Variants in ARHGAP27 observed in about 807,000 individuals in gnomAD.
ARHGAP27 encodes rho GTPase-activating protein 27.
A neutral mutation model predicts 102.0 loss-of-function variants in ARHGAP27; 53 were observed. That is an observed-to-expected ratio of 0.52 (90% CI 0.42 to 0.65). ARHGAP27 has a LOEUF of 0.65. Ranked by LOEUF, ARHGAP27 falls within the 30% of genes least tolerant of loss-of-function variation. The pLI, the probability that ARHGAP27 is intolerant of heterozygous loss-of-function variation, is 0.00. For missense variants in ARHGAP27, 1,117 were observed against 1,256.2 expected, an observed-to-expected ratio of 0.89 and a Z score of 1.68; for synonymous variants, 525 against 542.8, an observed-to-expected ratio of 0.97 and a Z score of 0.46.
chr17:45,406,982 AGAGT>A (rs1158088748), intron 4 of ARHGAP27, among the ~76,000 whole-genome samples: 2 of 152,164 alleles, frequency 1.3e-5, no homozygotes, highest in African/African-American at 4.8e-5. Context: ...ACCCCAAAGG[AGAGT>A]GAGGGCAGCT....
intron 4 of ARHGAP27, among the ~76,000 whole-genome samples, chr17:45,411,225 A>G (rs2047874613): frequency 1.3e-5 from 2 of 151,950 alleles, no homozygotes; most frequent in South Asian, 4.1e-4. Flanking sequence ...CAGTGGACAC[A>G]TGCCCTGAGT....
In ARHGAP27 at chr17:45,415,517, A is replaced by G. The variant is rs868671003; in HGVS notation, c.658-9434T>C. Among the ~76,000 whole-genome samples the G allele has an allele frequency of 5.9e-5, 9 of 152,218 alleles. No homozygotes were observed. In the South Asian group the frequency reaches 6.2e-4, roughly 11 times the overall value. Reference sequence around the variant, plus strand: ...ATTGCCATCTGGATGTCCTTTGTACATGTCGAAAACCGTGTGCCCCAAATC... The same window carrying G: ...ATTGCCATCTGGATGTCCTTTGTACGTGTCGAAAACCGTGTGCCCCAAATC... On this transcript the variant is annotated intron_variant, in intron 4 of 19. Transcript: ENST00000685559.
chr17:45,425,886 G>A (rs1483772047), intron 4 of ARHGAP27, among the ~76,000 whole-genome samples: 1 of 152,206 alleles, frequency 6.6e-6, no homozygotes, highest in Non-Finnish European at 1.5e-5. Flanking sequence ...CTCTTTGTGG[G>A]AGAGGAGGAG....
rs1025074954 is a variant in ARHGAP27, at chr17:45,406,049, A to G, written c.692T>C (p.Ile231Thr). 1.6e-5 allele frequency: 24 copies of G among 1,531,132 alleles called. No homozygotes were observed. The Middle Eastern group carries it at 5.0e-4, about 32-fold the overall frequency. 94.8% of individuals were successfully genotyped at this position (1,531,132 alleles called of 1,614,324 possible). The change falls in exon 5 of 20, where the codon ATA becomes ACA. Residue 231 changes from isoleucine (I) to threonine (T), a missense_variant. By Grantham distance (89) the Ile-to-Thr change is moderately conservative. Coordinates refer to ENST00000685559, the MANE Select transcript of ARHGAP27 (RefSeq NM_001282290.2). ...DDPPEPVYAN[I>T]ERQPRATSPG... ...TGAAGTGGCCCGGGGCTGCCTCTCT[A>G]TGTTCGCGTACACGGGCTCCGGTGG...
Position 45,404,257 on chromosome 17 carries a change from G to T in ARHGAP27, c.1479+12C>A. 1 of 1,613,776 alleles carries T rather than the reference G, an allele frequency of 6.2e-7. No homozygotes were observed. Among genetic ancestry groups the T allele is most frequent in the Non-Finnish European group, 8.5e-7 (1 of 1,179,906 alleles). On this transcript the variant is annotated intron_variant, in intron 9 of 19. Coordinates refer to ENST00000685559, the MANE Select transcript of ARHGAP27 (RefSeq NM_001282290.2). The stretch of plus-strand genomic sequence containing the variant: ...CACCACCACCTGGCTGGGGGTAGGG[G>T]GTGATGCCTACCCTCACAGCAGCTG...
intron 13 of ARHGAP27, chr17:45,397,685 T>G: frequency 2.6e-6 from 1 of 391,898 alleles, no homozygotes; most frequent in East Asian, 3.7e-5. Context: ...TTTGGCCTTC[T>G]GCCTCCCGTG....
In ARHGAP27 at chr17:45,396,033, G is replaced by C. The variant is rs751784318; in HGVS notation, c.2336C>G (p.Pro779Arg). The C allele has an allele frequency of 6.2e-7, 1 of 1,613,762 alleles. No homozygotes were observed. The highest frequency in any genetic ancestry group is 1.3e-5 in the African/African-American group (1 of 74,936). ...GALKLFFREL[P>R]EPLFPFSHFR... ...GTGCGAGAAGGGGAAGAGGGGCTCG[G>C]GCAGCTCCCGAAAGAAGAGCTTCAG... Residue 779 changes from proline to arginine, a missense_variant, in exon 18 of 20, where the codon CCC becomes CGC. Physicochemically the swap from Pro to Arg is moderately radical, Grantham distance 103. Coordinates refer to ENST00000685559, the MANE Select transcript of ARHGAP27 (RefSeq NM_001282290.2).
chr17:45,404,803 G>A, intron 6 of ARHGAP27, 121 bp downstream of exon 6: 2 of 1,521,710 alleles, frequency 1.3e-6, no homozygotes, highest in Non-Finnish European at 1.8e-6. Context: ...AGGTGACTGT[G>A]TTTGGCTGGT....
chr17:45,408,503 T>C (rs1199049671), intron 4 of ARHGAP27: 2 of 151,960 alleles, frequency 1.3e-5, no homozygotes, highest in African/African-American at 2.4e-5. Flanking sequence ...CATCAGTTCT[T>C]CTCTCCTCTC....
At chr17:45,396,844 G>A (rs1202109121) in intron 14 of ARHGAP27, 54 bp from the exon 15 acceptor site, 1 of 1,606,596 alleles carries the variant, frequency 6.2e-7, no homozygotes, top group African/African-American at 1.3e-5. Context: ...GGCAGGCCAG[G>A]CAGGCCCCAG....
At chr17:45,424,142 A>G (rs930876672) in intron 4 of ARHGAP27, among the ~76,000 whole-genome samples, 1 of 152,096 alleles carries the variant, frequency 6.6e-6, no homozygotes, top group African/African-American at 2.4e-5. Flanking sequence ...CAGCCAGGAG[A>G]GGGCAAGGAG....
Position 45,396,012 on chromosome 17 carries a change from G to A in ARHGAP27, c.2357C>T (p.Ser786Leu), listed in dbSNP as rs1016002510. Residue 786 changes from serine (S) to leucine (L), a missense_variant, in exon 18 of 20, where the codon TCG becomes TTG. Physicochemically the swap from Ser to Leu is moderately radical, Grantham distance 145 (BLOSUM62 -2). This residue lies in a region of ARHGAP27 where 493 missense variants were observed against 505.5 expected (regional missense o/e 0.98). Coordinates refer to ENST00000685559, the MANE Select transcript of ARHGAP27 (RefSeq NM_001282290.2). ...GGCCGCAATGAACTGGCGGAAGTGC[G>A]AGAAGGGGAAGAGGGGCTCGGGCAG... ...RELPEPLFPF[S>L]HFRQFIAAIK... 2.5e-6 allele frequency: 4 copies of A among 1,613,284 alleles called. No homozygotes were observed. The African/African-American group carries it at 5.3e-5, about 22-fold the overall frequency.
At chr17:45,403,334 C>T (rs371762746) in intron 11 of ARHGAP27, among the ~76,000 whole-genome samples, 10 of 152,178 alleles carry the variant, frequency 6.6e-5, no homozygotes, top group South Asian at 2.1e-4. Context: ...TCGAGGTGGG[C>T]GGATCACCTG....
At position 45,395,777 on chromosome 17, in the gene ARHGAP27, T is replaced by G; in HGVS notation, c.2459A>C (p.Asp820Ala). 1 of 1,603,596 alleles carries G rather than the reference T, an allele frequency of 6.2e-7. No homozygotes were observed. Among genetic ancestry groups the G allele is most frequent in the Non-Finnish European group, 8.5e-7 (1 of 1,177,426 alleles). The change falls in exon 19 of 20, where the codon GAC becomes GCC. Residue 820 changes from aspartate to alanine, a missense_variant. By Grantham distance (126) the Asp-to-Ala change is moderately radical. Around this residue, in one of 3 missense-constraint regions of ARHGAP27, gnomAD observed 493 missense variants for 505.5 expected, o/e 0.98. Transcript: ENST00000685559. Reference protein sequence around the residue: ...LVRSLPAPNHDTLRMLFQHLC... With the variant: ...LVRSLPAPNHATLRMLFQHLC... ...GTGCTGGAAGAGCATCCGCAGAGTG[T>G]CGTGGTTGGGAGCGGGCAGCGAGCG...
chr17:45,397,610 A>C, intron 13 of ARHGAP27: 1 of 294,302 alleles, frequency 3.4e-6, no homozygotes, highest in African/African-American at 2.1e-5. Context: ...CGACTATTGA[A>C]ATCAATCCTT....
chr17:45,398,594 C>G (rs1007937692), intron 12 of ARHGAP27, among the ~76,000 whole-genome samples: 2 of 152,078 alleles, frequency 1.3e-5, no homozygotes, highest in Non-Finnish European at 2.9e-5. Context: ...ATTAGCCAGG[C>G]ATGGTGGCGG....
intron 4 of ARHGAP27, among the ~76,000 whole-genome samples, chr17:45,418,682 G>A (rs1476384734): frequency 1.3e-5 from 2 of 152,112 alleles, no homozygotes; most frequent in African/African-American, 2.4e-5. Flanking sequence ...TCAAGCAGAG[G>A]CTGGGACAGT....
rs376146157 is a variant in ARHGAP27 at position 45,404,432 on chromosome 17, G to T, written c.1413+13C>A. 2.2e-4 allele frequency: 353 copies of T among 1,613,918 alleles called. 1 individual carries two copies. The highest frequency in any genetic ancestry group is 2.9e-4 in the Non-Finnish European group (344 of 1,179,932). ...TGGTGGTCCTGCCAGGACCTCAATGGCTCCTCCCCTACCTTCTCCTCTGGA... is the reference window on the plus strand; with the variant it reads ...TGGTGGTCCTGCCAGGACCTCAATGTCTCCTCCCCTACCTTCTCCTCTGGA... On this transcript the variant is annotated intron_variant, in intron 8 of 19. Coordinates refer to ENST00000685559, the MANE Select transcript of ARHGAP27 (RefSeq NM_001282290.2).
In ARHGAP27 at chr17:45,422,754, A is replaced by C. The variant is rs1032560700; in HGVS notation, c.657+6869T>G. 7.8e-4 allele frequency among the ~76,000 whole-genome samples: 119 copies of C among 152,382 alleles called. 1 individual carries two copies. The highest frequency in any genetic ancestry group is 2.7e-3 in the African/African-American group (114 of 41,586). On this transcript the variant is annotated intron_variant, in intron 4 of 19. Coordinates refer to ENST00000685559, the MANE Select transcript of ARHGAP27 (RefSeq NM_001282290.2). ...ATGTGAGAGGAAGGTTTAACATAAC[A>C]CATCTCTATCAGAATTAGAGTAAAA...
Sources: allele counts gnomAD v4.1 joint callset (sites outside exome capture counted in the v4.1 genomes callset), GRCh38; gene constraint gnomAD v4.1.1; regional missense constraint gnomAD v4.1.1; transcripts MANE v1.5; gene names NCBI Gene and HGNC (gene_info 2026-07-23, HGNC 2026-07-21).